Variants in NXN observed in about 807,000 individuals in gnomAD.
NXN encodes nucleoredoxin 1.
A neutral mutation model predicts 48.6 loss-of-function variants in NXN; 16 were observed. That is an observed-to-expected ratio of 0.33 (90% CI 0.22 to 0.50). The LOEUF is 0.50. Among genes scored for constraint, NXN ranks in the 20% least tolerant of loss-of-function variants. The pLI, the probability that NXN is intolerant of heterozygous loss-of-function variation, is 0.98. For synonymous variants in NXN, 281 were observed against 269.6 expected, an observed-to-expected ratio of 1.04 and a Z score of -0.41; for missense variants, 492 against 605.5, an observed-to-expected ratio of 0.81 and a Z score of 1.97.
At chr17:806,621 C>A (rs556315456) in intron 5 of NXN, among the ~76,000 whole-genome samples, 12 of 152,222 alleles carry the variant, frequency 7.9e-5, no homozygotes, top group Middle Eastern at 3.4e-3. Context: ...TGCCCAGAGC[C>A]TGAATTTTAT....
chr17:804,226 G>A (rs547608099), intron 6 of NXN, among the ~76,000 whole-genome samples: 1 of 149,308 alleles, frequency 6.7e-6, no homozygotes, highest in East Asian at 2.0e-4. Context: ...AATGGCAGAA[G>A]AACTGGTGGT....
At chr17:842,466 C>G in intron 1 of NXN, 3 of 974,824 alleles carry the variant, frequency 3.1e-6, no homozygotes, top group Non-Finnish European at 2.4e-6. Flanking sequence ...GGGAAGGCCA[C>G]GTGGGTTACT....
At chr17:832,432 G>A (rs1913533680) in intron 1 of NXN, among the ~76,000 whole-genome samples, 1 of 151,508 alleles carries the variant, frequency 6.6e-6, no homozygotes, top group Non-Finnish European at 1.5e-5. Context: ...GTGTCCGCCC[G>A]CCTTGGCCTC....
intron 5 of NXN, among the ~76,000 whole-genome samples, chr17:815,918 G>T (rs575275900): frequency 1.3e-5 from 2 of 152,182 alleles, no homozygotes; most frequent in African/African-American, 4.8e-5. Context: ...GAATGTGACC[G>T]GCGGGCCTTT....
chr17:953,923 C>T (rs771018104), intron 1 of NXN, among the ~76,000 whole-genome samples: 2 of 152,168 alleles, frequency 1.3e-5, no homozygotes, highest in African/African-American at 4.8e-5. Flanking sequence ...GTGACGGGTG[C>T]GGGAGGATGA....
chr17:940,286 G>A (rs2068956727), intron 1 of NXN, among the ~76,000 whole-genome samples: 1 of 151,434 alleles, frequency 6.6e-6, no homozygotes. Flanking sequence ...GGATTATAGG[G>A]TTTCGCTATG....
chr17:934,198 C>G (rs1208526818), intron 1 of NXN, among the ~76,000 whole-genome samples: 3 of 152,076 alleles, frequency 2.0e-5, no homozygotes, highest in African/African-American at 7.2e-5. Flanking sequence ...GTAATCCCAG[C>G]ACTTTGGGAG....
chr17:805,877 C>T lies in NXN; in HGVS notation c.821-630G>A, dbSNP rs555982304. ...AATAAATAAGAACTTAGCACAGGGT[C>T]ATGGCGCATCGGAGCAATCACTCAC... On this transcript the variant is annotated intron_variant, in intron 5 of 7. Transcript: ENST00000336868. 2.1e-3 allele frequency among the ~76,000 whole-genome samples: 319 copies of T among 152,172 alleles called. 1 individual carries two copies. The highest frequency in any genetic ancestry group is 3.5e-3 in the Non-Finnish European group (239 of 67,994).
At chr17:906,176 A>C (rs1049236936) in intron 1 of NXN, among the ~76,000 whole-genome samples, 2 of 152,242 alleles carry the variant, frequency 1.3e-5, no homozygotes, top group Admixed American at 6.5e-5. Context: ...CTCGATGTAG[A>C]CTTGCCTCAT....
intron 1 of NXN, among the ~76,000 whole-genome samples, chr17:871,076 T>C (rs920482912): frequency 6.6e-6 from 1 of 152,088 alleles, no homozygotes; most frequent in Non-Finnish European, 1.5e-5. Flanking sequence ...TTGGCCAGGA[T>C]GGTCTCGATC....
At chr17:850,819 G>A (rs2067915811) in intron 1 of NXN, among the ~76,000 whole-genome samples, 1 of 152,160 alleles carries the variant, frequency 6.6e-6, no homozygotes, top group African/African-American at 2.4e-5. Context: ...TCAATGAGGG[G>A]GCTGCCGTTG....
intron 6 of NXN, 166 bp from the exon 7 acceptor site, chr17:803,972 GGT>G (rs1163859767): frequency 2.5e-6 from 2 of 815,820 alleles, no homozygotes; most frequent in Non-Finnish European, 3.9e-6. Flanking sequence ...CGCATGCATG[GGT>G]GTGTGTGCAC....
chr17:929,462 G>A (rs911638094), intron 1 of NXN, among the ~76,000 whole-genome samples: 6 of 152,214 alleles, frequency 3.9e-5, no homozygotes, highest in African/African-American at 1.2e-4. Context: ...GCTTCACAAT[G>A]ACAACCTGTC....
chr17:939,304 G>A (rs2068942967), intron 1 of NXN, among the ~76,000 whole-genome samples: 1 of 150,746 alleles, frequency 6.6e-6, no homozygotes, highest in Non-Finnish European at 1.5e-5. Flanking sequence ...CACATAGACA[G>A]ATAGATACAG....
At position 825,618 on chromosome 17, in the gene NXN, AG is replaced by A. The variant is rs1913058274; in HGVS notation, c.478+342del. On this transcript the variant is annotated intron_variant, in intron 2 of 7. Transcript: ENST00000336868. This position sits in a 1 kb window ranked among gnomAD's most constrained non-coding sequence, Gnocchi z 4.1. ...CCACTCAGCCTGCCTCTAACTGTGA[AG>A]GGGGCAGCCGCCACGGATGCAGCAC... 1.4e-5 allele frequency: 3 copies of A among 214,398 alleles called. No homozygotes were observed. In the South Asian group the frequency reaches 2.9e-4, roughly 21 times the overall value. The allele number at this position is 214,398 out of a possible 1,614,324, so 13.3% of individuals were successfully genotyped here.
intron 1 of NXN, among the ~76,000 whole-genome samples, chr17:926,146 C>T (rs562729795): frequency 4.6e-5 from 7 of 152,178 alleles, no homozygotes; most frequent in African/African-American, 1.4e-4. Context: ...ATGTTAGATC[C>T]GCACATTCTC....
intron 1 of NXN, among the ~76,000 whole-genome samples, chr17:862,106 C>T (rs1457179848): frequency 6.6e-6 from 1 of 151,730 alleles, no homozygotes; most frequent in Non-Finnish European, 1.5e-5. Context: ...GCTGGGATTA[C>T]AGGCGTGAGC....
At chr17:910,426 G>C (rs1332578851) in intron 1 of NXN, among the ~76,000 whole-genome samples, 1 of 150,604 alleles carries the variant, frequency 6.6e-6, no homozygotes, top group Non-Finnish European at 1.5e-5. Flanking sequence ...AAAAAAAAAA[G>C]TTCTAATCTT....
At chr17:976,713 T>G (rs748234637) in intron 1 of NXN, among the ~76,000 whole-genome samples, 23 of 152,094 alleles carry the variant, frequency 1.5e-4, no homozygotes, top group Non-Finnish European at 2.9e-4. Context: ...AAAAACTCAG[T>G]TACAGAAAAG....
Sources: gnomAD v4.1 joint callset for allele counts (sites outside exome capture counted in the v4.1 genomes callset) on GRCh38, gnomAD v4.1.1 for gene constraint, Gnocchi (gnomAD v3.1) non-coding constraint, MANE v1.5 for transcripts, NCBI Gene and HGNC (gene_info 2026-07-23, HGNC 2026-07-21) for gene names.